FGD4: variants seen among roughly 807,000 people sequenced by gnomAD.
The protein encoded by FGD4 is FYVE, RhoGEF and PH domain-containing protein 4.
In FGD4, 42 loss-of-function variants were observed where a neutral mutation model predicts 102.0. The ratio of observed to expected loss-of-function variants is 0.41; its 90% CI spans 0.32 to 0.53. The LOEUF (loss-of-function observed/expected upper bound fraction) is 0.53, where lower values mean the gene tolerates loss of function less well. Ranked by LOEUF, FGD4 falls within the 20% of genes least tolerant of loss-of-function variation. The pLI is 0.21. For synonymous variants in FGD4, 380 were observed against 375.7 expected, an observed-to-expected ratio of 1.01 and a Z score of -0.13; for missense variants, 902 against 1,078.2, an observed-to-expected ratio of 0.84 and a Z score of 2.29.
intron 1 of FGD4, among the ~76,000 whole-genome samples, chr12:32,489,425 T>C (rs910726926): frequency 6.6e-6 from 1 of 152,258 alleles, no homozygotes; most frequent in Non-Finnish European, 1.5e-5. Flanking sequence ...ACTCTTTTAA[T>C]ATTGAAATGG....
At chr12:32,439,588 TAC>T (rs1282291772) in intron 1 of FGD4, among the ~76,000 whole-genome samples, 1 of 152,260 alleles carries the variant, frequency 6.6e-6, no homozygotes, top group Non-Finnish European at 1.5e-5. Flanking sequence ...AGCAGCAATG[TAC>T]AAGATTTCCT....
At chr12:32,532,479 T>C (rs1372090992) in intron 1 of FGD4, among the ~76,000 whole-genome samples, 3 of 152,148 alleles carry the variant, frequency 2.0e-5, no homozygotes, top group African/African-American at 7.2e-5. Flanking sequence ...TTCTGTAAGA[T>C]GGTGATAAAT....
intron 1 of FGD4, among the ~76,000 whole-genome samples, chr12:32,559,472 CTG>C (rs1944371259): frequency 6.6e-6 from 1 of 152,160 alleles, no homozygotes; most frequent in Admixed American, 6.5e-5. Context: ...TAAATGTTCT[CTG>C]TGTCCTTCAC....
chr12:32,428,006 C>T (rs568261312), intron 1 of FGD4, among the ~76,000 whole-genome samples: 3 of 152,180 alleles, frequency 2.0e-5, no homozygotes, highest in South Asian at 4.1e-4. Context: ...TGGGTCTTGA[C>T]TCTTTATCTA....
chr12:32,449,790 T>G (rs1942718589), intron 1 of FGD4, among the ~76,000 whole-genome samples: 1 of 152,166 alleles, frequency 6.6e-6, no homozygotes, highest in South Asian at 2.1e-4. Context: ...CAGCCTAAAG[T>G]GCAGTGGTGC....
intron 1 of FGD4, among the ~76,000 whole-genome samples, chr12:32,519,745 CT>C (rs1940307026): frequency 6.6e-6 from 1 of 152,146 alleles, no homozygotes; most frequent in Admixed American, 6.5e-5. Flanking sequence ...CGAGACCAGC[CT>C]AGCCAAGATG....
At chr12:32,612,665 G>A (rs73083468) in intron 10 of FGD4, among the ~76,000 whole-genome samples, 12,633 of 152,180 alleles carry the variant, frequency 0.083, 697 homozygotes, top group Middle Eastern at 0.19. Context: ...TATTTTGTTG[G>A]TGTATCATTT....
chr12:32,600,522 T>C, intron 5 of FGD4: 2 of 1,104,540 alleles, frequency 1.8e-6, no homozygotes, highest in Non-Finnish European at 2.3e-6. Flanking sequence ...ATAGTAGCCC[T>C]AGTGAAGTAT....
chr12:32,449,835 C>T (rs916310963), intron 1 of FGD4, among the ~76,000 whole-genome samples: 10 of 152,124 alleles, frequency 6.6e-5, no homozygotes, highest in African/African-American at 2.2e-4. Flanking sequence ...ACCTCCCGGG[C>T]TCAAGGGATC....
intron 1 of FGD4, among the ~76,000 whole-genome samples, chr12:32,520,425 G>GTTTTTTTTTTTTTTTTTTTTTT (rs572548423): frequency 9.0e-6 from 1 of 111,366 alleles, no homozygotes. Flanking sequence ...TCTATTGTGG[G>GTTTTTTTTTTTTTTTTTTTTTT]TTTTTTTGTT....
At chr12:32,522,959 A>C (rs1026420526) in intron 1 of FGD4, among the ~76,000 whole-genome samples, 2 of 152,218 alleles carry the variant, frequency 1.3e-5, no homozygotes, top group African/African-American at 4.8e-5. Flanking sequence ...GCCTAATGAA[A>C]TCCTACTTAT....
intron 1 of FGD4, among the ~76,000 whole-genome samples, chr12:32,482,727 G>C (rs910100860): frequency 5.3e-5 from 8 of 152,164 alleles, no homozygotes; most frequent in Non-Finnish European, 1.2e-4. Flanking sequence ...AGTTTGGGGG[G>C]AGAATACAAG....
At chr12:32,514,335 A>C (rs1939677067) in intron 1 of FGD4, among the ~76,000 whole-genome samples, 1 of 152,224 alleles carries the variant, frequency 6.6e-6, no homozygotes, top group Non-Finnish European at 1.5e-5. Flanking sequence ...GAAGTATTTC[A>C]GTGTTAATTG....
intron 1 of FGD4, among the ~76,000 whole-genome samples, chr12:32,463,864 A>G (rs2047641): frequency 0.4 from 60,365 of 152,054 alleles, 12,892 homozygotes; most frequent in African/African-American, 0.57. Context: ...ATGGCAGAAG[A>G]AGATTTATTT....
chr12:32,564,020 A>AGGGAGACCGTGGAAAG (rs1944959779), intron 1 of FGD4, 117 bp from the exon 2 acceptor site: 1 of 579,040 alleles, frequency 1.7e-6, no homozygotes, highest in African/African-American at 5.7e-5. Context: ...GAAAGGGGAG[A>AGGGAGACCGTGGAAAG]GGGAGAGGGA....
chr12:32,402,418 A>AGAGAG (rs1164030756), intron 1 of FGD4, among the ~76,000 whole-genome samples: 1 of 151,388 alleles, frequency 6.6e-6, no homozygotes, highest in African/African-American at 2.4e-5. Flanking sequence ...GGAGAGGGAG[A>AGAGAG]GAGAGAGAGA....
At chr12:32,421,329 ATTAGAGAATAGTATAC>A in intron 1 of FGD4, among the ~76,000 whole-genome samples, 1 of 152,352 alleles carries the variant, frequency 6.6e-6, no homozygotes, top group South Asian at 2.1e-4. Flanking sequence ...GCTGGGGTGT[ATTAGAGAATAGTATAC>A]TTTTTGTTCT....
chr12:32,466,400 A>C (rs1943252895), intron 1 of FGD4, among the ~76,000 whole-genome samples: 1 of 152,118 alleles, frequency 6.6e-6, no homozygotes, highest in African/African-American at 2.4e-5. Context: ...GATGCAAAAC[A>C]AGTCCAAAGG....
At chr12:32,480,589 C>T (rs1359597140) in intron 1 of FGD4, among the ~76,000 whole-genome samples, 3 of 151,542 alleles carry the variant, frequency 2.0e-5, no homozygotes, top group African/African-American at 7.3e-5. Flanking sequence ...CAACCTCCAC[C>T]TCCCAGGTTG....
Sources: gnomAD v4.1 joint callset for allele counts (sites outside exome capture counted in the v4.1 genomes callset) on GRCh38, gnomAD v4.1.1 for gene constraint, MANE v1.5 for transcripts, NCBI Gene and HGNC (gene_info 2026-07-23, HGNC 2026-07-21) for gene names.